Variants in TTC1 observed in about 807,000 individuals in gnomAD.
TTC1 encodes the protein tetratricopeptide repeat domain 1.
Under a neutral mutation model 37.6 loss-of-function variants are expected in TTC1, and 31 were observed. The ratio of observed to expected loss-of-function variants is 0.82; its 90% CI spans 0.62 to 1.11. The LOEUF (loss-of-function observed/expected upper bound fraction) is 1.11. Ranked by LOEUF, TTC1 falls within the 50% of genes most tolerant of loss-of-function variation. The probability of loss-of-function intolerance (pLI) is 0.00; values close to 1 mark genes in which losing one functional copy is unlikely to be tolerated. For synonymous variants in TTC1, 127 were observed against 122.4 expected (o/e 1.04, Z -0.25); for missense variants, 351 against 339.0 (o/e 1.04, Z -0.28).
intron 2 of TTC1, among the ~76,000 whole-genome samples, chr5:160,022,610 G>T (rs1003515662): frequency 3.9e-5 from 6 of 152,052 alleles, no homozygotes; most frequent in Non-Finnish European, 8.8e-5. Flanking sequence ...AGCAGATAGG[G>T]GTACTATGTT....
intron 2 of TTC1, among the ~76,000 whole-genome samples, chr5:160,014,361 AAAAT>A (rs1460225386): frequency 2.6e-5 from 4 of 151,514 alleles, no homozygotes; most frequent in East Asian, 2.0e-4. Context: ...TCCGTCTCAG[AAAAT>A]AAATAAATAG....
At chr5:160,056,599 T>C (rs1441056696) in intron 7 of TTC1, among the ~76,000 whole-genome samples, 1 of 152,134 alleles carries the variant, frequency 6.6e-6, no homozygotes, top group Non-Finnish European at 1.5e-5. Context: ...GGCATGTGCC[T>C]GTAGTCTCAG....
chr5:160,062,750 A>G (rs899405520), intron 7 of TTC1, among the ~76,000 whole-genome samples: 3 of 151,882 alleles, frequency 2.0e-5, no homozygotes, highest in African/African-American at 7.3e-5. Flanking sequence ...CACTCACTCC[A>G]TATCACAAGA....
intron 2 of TTC1, among the ~76,000 whole-genome samples, chr5:160,026,548 T>C (rs1451975579): frequency 3.3e-5 from 5 of 152,260 alleles, no homozygotes; most frequent in African/African-American, 4.8e-5. Context: ...TTTACCGTTA[T>C]GAAATATCCC....
At chr5:160,010,995 G>C (rs937861019) in intron 2 of TTC1, 137 bp downstream of exon 2, 21 of 807,928 alleles carry the variant, frequency 2.6e-5, no homozygotes, top group Non-Finnish European at 3.8e-5. Flanking sequence ...TAGTAGTGTT[G>C]GATCTGAGAT....
intron 7 of TTC1, among the ~76,000 whole-genome samples, chr5:160,058,525 C>A (rs1757608073): frequency 6.6e-6 from 1 of 151,798 alleles, no homozygotes; most frequent in South Asian, 2.1e-4. Context: ...ATTCTCCTGC[C>A]TCAGCCTCCT....
At chr5:160,025,742 T>TTGTTG (rs1050220552) in intron 2 of TTC1, among the ~76,000 whole-genome samples, 1 of 152,178 alleles carries the variant, frequency 6.6e-6, no homozygotes, top group African/African-American at 2.4e-5. Context: ...AGGATGAACT[T>TTGTTG]TGTTGTTTTG....
Position 160,035,181 on chromosome 5 carries a change from T to C in TTC1, c.372T>C (p.Asn124=), listed in dbSNP as rs1263309014. The C allele has an allele frequency of 5.0e-6, 8 of 1,606,690 alleles. No individual in the cohort carries two copies. The highest frequency in any genetic ancestry group is 2.2e-5 in the East Asian group (1 of 44,498). ...GCACTAGACTAAAGGAGGAGGGAAATGAACAGTTTAAGAAAGGAGGTAAGA... is the reference window on the plus strand; with the variant it reads ...GCACTAGACTAAAGGAGGAGGGAAACGAACAGTTTAAGAAAGGAGGTAAGA... ...EESTRLKEEG[N]EQFKKGDYIE... The change falls in exon 3 of 8, where the codon AAT becomes AAC. Residue 124 remains asparagine, a synonymous_variant. Coordinates refer to ENST00000231238, the MANE Select transcript of TTC1 (RefSeq NM_003314.3).
At chr5:160,014,086 C>T (rs942007982) in intron 2 of TTC1, among the ~76,000 whole-genome samples, 2 of 152,096 alleles carry the variant, frequency 1.3e-5, no homozygotes, top group Non-Finnish European at 2.9e-5. Flanking sequence ...TACGGGATGG[C>T]TCACACCTAT....
chr5:160,050,989 TA>T, intron 6 of TTC1, 139 bp from the exon 7 acceptor site: 3 of 588,246 alleles, frequency 5.1e-6, no homozygotes, highest in Non-Finnish European at 8.2e-6. Flanking sequence ...TTTTTTTTTT[TA>T]TTTAATAGGA....
chr5:160,064,946 C>G lies in TTC1; in HGVS notation c.760C>G (p.Leu254Val), dbSNP rs1385910556. Reference protein sequence around the residue: ...KEEMLGKLKDLGNLVLRPFGL... With the variant: ...KEEMLGKLKDVGNLVLRPFGL... ...TTACATTACAGGTAAATTAAAAGAT[C>G]TTGGGAACTTGGTTCTCCGACCTTT... The change falls in exon 8 of 8, where the codon CTT becomes GTT. Residue 254 changes from leucine (L) to valine (V), a missense_variant. Leu to Val is a conservative substitution (Grantham distance 32, BLOSUM62 1). Transcript: ENST00000231238. The G allele has an allele frequency of 1.2e-6, 2 of 1,611,238 alleles. No homozygotes were observed. The highest frequency in any genetic ancestry group is 1.7e-5 in the Admixed American group (1 of 59,098).
At chr5:160,021,534 C>T (rs1756709630) in intron 2 of TTC1, among the ~76,000 whole-genome samples, 1 of 152,164 alleles carries the variant, frequency 6.6e-6, no homozygotes, top group Non-Finnish European at 1.5e-5. Context: ...ATTAATTCCT[C>T]ATAGATCAGT....
rs987547796 is a variant in TTC1, at chr5:160,018,505, TAAC to T, written c.330+7653_330+7655del. 4.6e-5 allele frequency among the ~76,000 whole-genome samples: 7 copies of T among 152,072 alleles called. No individual in the cohort carries two copies. The South Asian group carries it at 6.2e-4, about 13-fold the overall frequency. Reference sequence around the variant, plus strand: ...AGAGCAGTTGAATAAAGCCCTAAAGTAACAACAAGTTTGGTGTTTTGGCATGTT... The same window carrying T: ...AGAGCAGTTGAATAAAGCCCTAAAGTAACAAGTTTGGTGTTTTGGCATGTT... On this transcript the variant is annotated intron_variant, in intron 2 of 7. Transcript: ENST00000231238.
chr5:160,022,316 A>AG (rs1756725553), intron 2 of TTC1, among the ~76,000 whole-genome samples: 1 of 152,316 alleles, frequency 6.6e-6, no homozygotes, highest in South Asian at 2.1e-4. Context: ...TTTATTTATA[A>AG]GGGACTAGAG....
At chr5:160,011,012 G>A (rs1467262865) in intron 2 of TTC1, among the ~76,000 whole-genome samples, 154 bp downstream of exon 2, 1 of 152,194 alleles carries the variant, frequency 6.6e-6, no homozygotes, top group African/African-American at 2.4e-5. Flanking sequence ...AGATAAATCG[G>A]TGGCGTGACA....
chr5:160,056,107 G>C (rs1757539693), intron 7 of TTC1, among the ~76,000 whole-genome samples: 1 of 152,180 alleles, frequency 6.6e-6, no homozygotes, highest in South Asian at 2.1e-4. Context: ...GCTGCCAGGT[G>C]CCTATCCCTA....
chr5:160,036,339 C>T (rs933992658), intron 3 of TTC1, among the ~76,000 whole-genome samples: 1 of 152,048 alleles, frequency 6.6e-6, no homozygotes, highest in African/African-American at 2.4e-5. Flanking sequence ...TTCCTCTGTC[C>T]AGTTCTGTAA....
At chr5:160,055,135 C>G (rs1020802070) in intron 7 of TTC1, among the ~76,000 whole-genome samples, 1 of 152,082 alleles carries the variant, frequency 6.6e-6, no homozygotes, top group Non-Finnish European at 1.5e-5. Context: ...AGCTTTGATT[C>G]CAGATAGAAA....
chr5:160,028,100 C>A (rs1302108911), intron 2 of TTC1, among the ~76,000 whole-genome samples: 1 of 152,032 alleles, frequency 6.6e-6, no homozygotes, highest in African/African-American at 2.4e-5. Context: ...GAGATCGAGA[C>A]CATCCTGGCT....
Sources: gnomAD v4.1 joint callset for allele counts (sites outside exome capture counted in the v4.1 genomes callset) on GRCh38, gnomAD v4.1.1 for gene constraint, MANE v1.5 for transcripts, NCBI Gene and HGNC (gene_info 2026-07-23, HGNC 2026-07-21) for gene names.